The following ARHGEF28 variants were observed in gnomAD, a reference collection of about 807,000 sequenced individuals.
The protein encoded by ARHGEF28 is Rho guanine nucleotide exchange factor 28, also known as 190 kDa guanine nucleotide exchange factor.
Under a neutral mutation model 206.6 loss-of-function variants are expected in ARHGEF28, and 152 were observed. The ratio of observed to expected loss-of-function variants is 0.74; its 90% CI spans 0.64 to 0.84. ARHGEF28 has a LOEUF of 0.84. ARHGEF28 is among the 40% of genes least tolerant of loss of function. ARHGEF28 has a pLI of 0.00. For missense variants in ARHGEF28, 2,028 were observed against 2,073.2 expected (o/e 0.98, Z 0.42); for synonymous variants, 763 against 776.4 (o/e 0.98, Z 0.29).
At chr5:73,725,911 C>T (rs1344908345) in intron 2 of ARHGEF28, among the ~76,000 whole-genome samples, 1 of 152,032 alleles carries the variant, frequency 6.6e-6, no homozygotes, top group Non-Finnish European at 1.5e-5. Context: ...AAGTATCAAC[C>T]CTTTATTCTT....
chr5:73,918,930 T>C (rs1389336948), intron 35 of ARHGEF28, among the ~76,000 whole-genome samples: 2 of 152,180 alleles, frequency 1.3e-5, no homozygotes. Context: ...TTCTTCTTAG[T>C]TGATTCTGAA....
At chr5:73,937,693 T>C (rs1454990556) in intron 35 of ARHGEF28, among the ~76,000 whole-genome samples, 1 of 152,202 alleles carries the variant, frequency 6.6e-6, no homozygotes, top group Non-Finnish European at 1.5e-5. Context: ...CGATCACAAA[T>C]GAAACTGGGT....
At chr5:73,670,274 C>T (rs376069002) in intron 1 of ARHGEF28, among the ~76,000 whole-genome samples, 6 of 152,150 alleles carry the variant, frequency 3.9e-5, no homozygotes, top group Non-Finnish European at 8.8e-5. Flanking sequence ...TGGCTTTTAT[C>T]GCTCAGCATA....
chr5:73,867,018 G>A (rs1580007421), intron 18 of ARHGEF28, among the ~76,000 whole-genome samples: 1 of 152,276 alleles, frequency 6.6e-6, no homozygotes, highest in East Asian at 1.9e-4. Context: ...TCACTCTCTT[G>A]CCTTGACCCC....
intron 21 of ARHGEF28, among the ~76,000 whole-genome samples, chr5:73,871,742 C>T (rs1471152931): frequency 6.6e-6 from 1 of 152,204 alleles, no homozygotes; most frequent in Non-Finnish European, 1.5e-5. Flanking sequence ...AAATCCTGTA[C>T]ATGTTACTAG....
intron 1 of ARHGEF28, among the ~76,000 whole-genome samples, chr5:73,636,962 T>C (rs1434096631): frequency 6.6e-6 from 1 of 152,178 alleles, no homozygotes; most frequent in Non-Finnish European, 1.5e-5. Context: ...TTGAAGATGG[T>C]GCTTCAGTGT....
At chr5:73,804,775 C>T (rs1305961279) in intron 9 of ARHGEF28, among the ~76,000 whole-genome samples, 1 of 152,024 alleles carries the variant, frequency 6.6e-6, no homozygotes, top group Non-Finnish European at 1.5e-5. Flanking sequence ...CTGTTTTCAT[C>T]ACACCATATA....
rs564135212 is a variant in ARHGEF28, at chr5:73,703,527, G to A, written c.33+18643G>A. 1.3e-5 allele frequency among the ~76,000 whole-genome samples: 2 copies of A among 152,058 alleles called. 1 individual carries two copies. Among genetic ancestry groups the A allele is most frequent in the South Asian group, 4.2e-4 (2 of 4,816 alleles). ...TTAAATAAAATAAAAGTCTATTGTGGTCACCTGCTACCTTCAAGGAGTCCA... is the reference window on the plus strand; with the variant it reads ...TTAAATAAAATAAAAGTCTATTGTGATCACCTGCTACCTTCAAGGAGTCCA... On this transcript the variant is annotated intron_variant, in intron 2 of 35. Coordinates refer to ENST00000513042, the MANE Select transcript of ARHGEF28 (RefSeq NM_001177693.2).
Position 73,647,662 on chromosome 5 carries a change from T to A in ARHGEF28, c.-12+21340T>A, listed in dbSNP as rs558500152. Reference sequence around the variant, plus strand: ...ATTTCAAGAGCTCAGTAGCCACATGTGGCAAGTGGCTACCATATTGGACAG... The same window carrying A: ...ATTTCAAGAGCTCAGTAGCCACATGAGGCAAGTGGCTACCATATTGGACAG... On this transcript the variant is annotated intron_variant, in intron 1 of 35. Coordinates refer to ENST00000513042, the MANE Select transcript of ARHGEF28 (RefSeq NM_001177693.2). 5.9e-5 allele frequency among the ~76,000 whole-genome samples: 9 copies of A among 152,378 alleles called. No homozygotes were observed. In the South Asian group the frequency reaches 1.7e-3, roughly 28 times the overall value.
At chr5:73,645,282 C>T (rs1424159527) in intron 1 of ARHGEF28, among the ~76,000 whole-genome samples, 1 of 152,116 alleles carries the variant, frequency 6.6e-6, no homozygotes, top group Non-Finnish European at 1.5e-5. Context: ...TTTCTAGTAG[C>T]TGGGACTGCA....
At chr5:73,848,941 T>A in intron 12 of ARHGEF28, 35 bp from the exon 13 acceptor site, 1 of 1,427,350 alleles carries the variant, frequency 7.0e-7, no homozygotes, top group South Asian at 1.3e-5. Context: ...AGACCATGTA[T>A]AAATTTTTAA....
At chr5:73,886,615 C>G (rs1302822855) in intron 25 of ARHGEF28, among the ~76,000 whole-genome samples, 1 of 152,224 alleles carries the variant, frequency 6.6e-6, no homozygotes, top group Non-Finnish European at 1.5e-5. Flanking sequence ...CTGGCATGAA[C>G]TTGACTCTGT....
chr5:73,724,310 A>T (rs181614309), intron 2 of ARHGEF28, among the ~76,000 whole-genome samples: 273 of 152,350 alleles, frequency 1.8e-3, no homozygotes, highest in African/African-American at 6.1e-3. Context: ...CTTAGGAAAT[A>T]TAGATACATT....
Position 73,911,318 on chromosome 5 carries a change from C to T in ARHGEF28, c.4691C>T (p.Ser1564Leu). The T allele has an allele frequency of 6.2e-7, 1 of 1,608,364 alleles. No homozygotes were observed. Among genetic ancestry groups the T allele is most frequent in the Non-Finnish European group, 8.5e-7 (1 of 1,176,888 alleles). ...TCTGAGAGTTTATGTCATGAAAACT[C>T]ATTCTTCATCAATGAAGCTTTAGTA... ...NRSESLCHENSFFINEALVQM... is the reference protein window; with the variant it reads ...NRSESLCHENLFFINEALVQM... The change falls in exon 35 of 36, where the codon TCA (serine) becomes TTA (leucine). Residue 1564 changes from serine (S) to leucine (L), a missense_variant. Transcript: ENST00000513042.
chr5:73,897,469 A>T (rs1472343701), intron 29 of ARHGEF28, among the ~76,000 whole-genome samples: 1 of 152,236 alleles, frequency 6.6e-6, no homozygotes, highest in East Asian at 1.9e-4. Context: ...TTCTAAAGAT[A>T]AGTGTAGGGA....
chr5:73,712,247 T>G (rs1480499437), intron 2 of ARHGEF28, among the ~76,000 whole-genome samples: 2 of 152,230 alleles, frequency 1.3e-5, no homozygotes. Flanking sequence ...GTAGTTCTCT[T>G]GTAAAATCTT....
intron 1 of ARHGEF28, among the ~76,000 whole-genome samples, chr5:73,638,097 T>C (rs913194538): frequency 1.3e-5 from 2 of 152,236 alleles, no homozygotes; most frequent in Non-Finnish European, 2.9e-5. Context: ...AACCACAAAC[T>C]GTAGCACTTG....
intron 11 of ARHGEF28, among the ~76,000 whole-genome samples, chr5:73,845,040 C>T (rs1442341565): frequency 1.0e-3 from 110 of 105,630 alleles, no homozygotes; most frequent in Non-Finnish European, 1.6e-3. Flanking sequence ...TTTTTTGAGA[C>T]GGAGTCTTGC....
chr5:73,882,864 C>T (rs1157889149), intron 23 of ARHGEF28, among the ~76,000 whole-genome samples: 1 of 152,060 alleles, frequency 6.6e-6, no homozygotes, highest in Non-Finnish European at 1.5e-5. Flanking sequence ...CTGTTTCATG[C>T]CAAGTTATAT....
Sources: allele counts gnomAD v4.1 joint callset (sites outside exome capture counted in the v4.1 genomes callset), GRCh38; gene constraint gnomAD v4.1.1; transcripts MANE v1.5; gene names NCBI Gene and HGNC (gene_info 2026-07-23, HGNC 2026-07-21).